Variants in TNFRSF11B observed in about 807,000 individuals in gnomAD.
The protein encoded by TNFRSF11B is TNF receptor superfamily member 11b.
A neutral mutation model predicts 43.4 loss-of-function variants in TNFRSF11B; 16 were observed. The observed-to-expected ratio is 0.37, with a 90% CI of 0.25 to 0.56. TNFRSF11B has a LOEUF of 0.56. Among genes scored for constraint, TNFRSF11B ranks in the 20% least tolerant of loss-of-function variants. The pLI is 0.80. For missense variants in TNFRSF11B, 444 were observed against 490.1 expected (o/e 0.91, Z 0.89); for synonymous variants, 185 against 181.8 (o/e 1.02, Z -0.14).
chr8:118,934,422 C>T lies in TNFRSF11B; in HGVS notation c.31-1122G>A, dbSNP rs73709385. Among the ~76,000 whole-genome samples the T allele has an allele frequency of 1.8e-3, 271 of 152,216 alleles. 2 individuals carry two copies. The highest frequency in any genetic ancestry group is 6.2e-3 in the African/African-American group (256 of 41,528). ...AACAATATTAAGTAAATTAACTGAC[C>T]ACATCTCTTCAGGTGTACTGGGATA... On this transcript the variant is annotated intron_variant, in intron 1 of 4. Coordinates refer to ENST00000297350, the MANE Select transcript of TNFRSF11B (RefSeq NM_002546.4).
At chr8:118,942,760 C>T (rs541895717) in intron 1 of TNFRSF11B, among the ~76,000 whole-genome samples, 3 of 152,234 alleles carry the variant, frequency 2.0e-5, no homozygotes, top group African/African-American at 7.2e-5. Context: ...AGCTAGCACA[C>T]ATTCAAGCTG....
chr8:118,925,847 T>A (rs931825910), intron 4 of TNFRSF11B, among the ~76,000 whole-genome samples: 10 of 152,210 alleles, frequency 6.6e-5, no homozygotes, highest in Admixed American at 6.5e-4. Flanking sequence ...CACACTTCTC[T>A]CCCTATCTCT....
chr8:118,949,226 T>C (rs1812607163), intron 1 of TNFRSF11B, among the ~76,000 whole-genome samples: 1 of 152,108 alleles, frequency 6.6e-6, no homozygotes, highest in African/African-American at 2.4e-5. Context: ...TCTATTTTGC[T>C]ACACAATCTT....
At chr8:118,941,655 T>C (rs1812487792) in intron 1 of TNFRSF11B, among the ~76,000 whole-genome samples, 1 of 152,226 alleles carries the variant, frequency 6.6e-6, no homozygotes, top group South Asian at 2.1e-4. Context: ...TTGCTTATGA[T>C]GTTTTTTGCT....
intron 2 of TNFRSF11B, 122 bp from the exon 3 acceptor site, chr8:118,929,051 A>G (rs1306028008): frequency 4.7e-6 from 4 of 852,648 alleles, no homozygotes; most frequent in African/African-American, 3.4e-5. Flanking sequence ...ATGTTGCACA[A>G]AACTCTAGCA....
intron 1 of TNFRSF11B, among the ~76,000 whole-genome samples, chr8:118,943,794 C>T (rs991089976): frequency 1.3e-5 from 2 of 151,970 alleles, no homozygotes; most frequent in African/African-American, 4.8e-5. Context: ...CTTCTACAAA[C>T]GAAGGGTCAA....
intron 1 of TNFRSF11B, 69 bp from the exon 2 acceptor site, chr8:118,933,369 T>C: frequency 1.3e-6 from 2 of 1,594,582 alleles, no homozygotes; most frequent in South Asian, 2.2e-5. Flanking sequence ...TGTGCAACAG[T>C]ATCATTTGAC....
intron 1 of TNFRSF11B, among the ~76,000 whole-genome samples, chr8:118,945,649 G>C (rs1203881124): frequency 6.6e-6 from 1 of 152,078 alleles, no homozygotes; most frequent in African/African-American, 2.4e-5. Flanking sequence ...CAAATTGATG[G>C]TCAGGAGAAT....
At chr8:118,944,703 T>C (rs1325652248) in intron 1 of TNFRSF11B, among the ~76,000 whole-genome samples, 1 of 152,164 alleles carries the variant, frequency 6.6e-6, no homozygotes, top group African/African-American at 2.4e-5. Context: ...CCTGGTGTAT[T>C]ATTCAAGTGT....
intron 4 of TNFRSF11B, among the ~76,000 whole-genome samples, chr8:118,925,658 T>G (rs1469621866): frequency 6.6e-6 from 1 of 152,188 alleles, no homozygotes. Flanking sequence ...ATACAGTCAT[T>G]TAACTACTGG....
At chr8:118,936,064 C>A (rs1047231409) in intron 1 of TNFRSF11B, among the ~76,000 whole-genome samples, 5 of 152,188 alleles carry the variant, frequency 3.3e-5, no homozygotes, top group African/African-American at 1.2e-4. Context: ...TGACCAAGAA[C>A]ACTGATGCAT....
At chr8:118,926,977 A>G (rs1467945775) in intron 3 of TNFRSF11B, among the ~76,000 whole-genome samples, 1 of 152,220 alleles carries the variant, frequency 6.6e-6, no homozygotes, top group Non-Finnish European at 1.5e-5. Flanking sequence ...TTAGAGTGAA[A>G]TATTGTTGTA....
intron 1 of TNFRSF11B, among the ~76,000 whole-genome samples, chr8:118,942,933 C>A (rs975697841): frequency 6.6e-6 from 1 of 152,060 alleles, no homozygotes; most frequent in African/African-American, 2.4e-5. Context: ...TCCTACCTAC[C>A]TACCTATTTG....
At chr8:118,937,021 A>G (rs905638150) in intron 1 of TNFRSF11B, among the ~76,000 whole-genome samples, 6 of 152,174 alleles carry the variant, frequency 3.9e-5, no homozygotes, top group African/African-American at 1.4e-4. Flanking sequence ...TTTCTTCCTG[A>G]AGCCTCCATT....
At chr8:118,925,515 C>T (rs1812235142) in intron 4 of TNFRSF11B, among the ~76,000 whole-genome samples, 1 of 152,182 alleles carries the variant, frequency 6.6e-6, no homozygotes, top group Admixed American at 6.5e-5. Context: ...TCAAAGAATA[C>T]TTTTGGTTTG....
At position 118,926,579 on chromosome 8, in the gene TNFRSF11B, G is replaced by T; in HGVS notation, c.732C>A (p.His244Gln). 1 of 1,614,116 alleles carries T rather than the reference G, an allele frequency of 6.2e-7. No individual in the cohort carries two copies. Among genetic ancestry groups the T allele is most frequent in the Non-Finnish European group, 8.5e-7 (1 of 1,180,000 alleles). ...GCTGGAAAGTCTGTTCTTGTGAGCT[G>T]TGTTGCCGTTTTATCCTCTCTACAC... ...AESVERIKRQ[H>Q]SSQEQTFQLL... Residue 244 changes from histidine (H) to glutamine (Q), a missense_variant, in exon 4 of 5, where the codon CAC becomes CAA. Transcript: ENST00000297350.
chr8:118,939,208 GTTTA>G, intron 1 of TNFRSF11B, among the ~76,000 whole-genome samples: 1 of 152,200 alleles, frequency 6.6e-6, no homozygotes, highest in South Asian at 2.1e-4. Flanking sequence ...GTGAAGGTCA[GTTTA>G]TTTGATTTTT....
chr8:118,933,341 A>C, intron 1 of TNFRSF11B, 41 bp from the exon 2 acceptor site: 1 of 1,608,818 alleles, frequency 6.2e-7, no homozygotes. Context: ...TCTTAGCATG[A>C]AAATAGGTTT....
At chr8:118,940,772 T>C (rs1223987665) in intron 1 of TNFRSF11B, among the ~76,000 whole-genome samples, 1 of 152,158 alleles carries the variant, frequency 6.6e-6, no homozygotes, top group East Asian at 1.9e-4. Context: ...AAAAGCACCT[T>C]GGACATGTTG....
Sources: gnomAD v4.1 joint callset for allele counts (sites outside exome capture counted in the v4.1 genomes callset) on GRCh38, gnomAD v4.1.1 for gene constraint, MANE v1.5 for transcripts, NCBI Gene and HGNC (gene_info 2026-07-23, HGNC 2026-07-21) for gene names.